Variants in NLGN1 observed in about 807,000 individuals in gnomAD.
NLGN1 encodes neuroligin-1.
A neutral mutation model predicts 65.5 loss-of-function variants in NLGN1; 12 were observed. The observed-to-expected ratio is 0.18, with a 90% confidence interval of 0.12 to 0.30. The LOEUF (loss-of-function observed/expected upper bound fraction) is 0.30, where lower values mean the gene tolerates loss of function less well. Among genes scored for constraint, NLGN1 ranks in the 10% least tolerant of loss-of-function variants. NLGN1 has a pLI of 1.00. For missense variants in NLGN1, 750 were observed against 1,007.1 expected, an observed-to-expected ratio of 0.74 and a Z score of 3.46; for synonymous variants, 350 against 359.5, an observed-to-expected ratio of 0.97 and a Z score of 0.30.
intron 4 of NLGN1, among the ~76,000 whole-genome samples, chr3:173,957,029 C>T (rs1222606535): frequency 6.6e-6 from 1 of 151,706 alleles, no homozygotes; most frequent in Non-Finnish European, 1.5e-5. Context: ...GTATGAAAAG[C>T]TATCAATAAC....
At position 173,604,837 on chromosome 3, in the gene NLGN1, T is replaced by A. The variant is rs766090131; in HGVS notation, c.239T>A (p.Phe80Tyr). Residue 80 changes from phenylalanine (F) to tyrosine (Y), a missense_variant, in exon 3 of 7, where the codon TTT (phenylalanine) becomes TAT (tyrosine). Physicochemically the swap from Phe to Tyr is conservative, Grantham distance 22 (BLOSUM62 3). Transcript: ENST00000457714. Reference sequence around the variant, plus strand: ...GAAATTTTGGGGCCTGTTATTCAATTTCTTGGGGTTCCATATGCAGCCCCA... The same window carrying A: ...GAAATTTTGGGGCCTGTTATTCAATATCTTGGGGTTCCATATGCAGCCCCA... The A allele has an allele frequency of 7.4e-6, 12 of 1,613,648 alleles. No homozygotes were observed. Among genetic ancestry groups the A allele is most frequent in the South Asian group, 5.5e-5 (5 of 91,086 alleles).
At chr3:174,119,070 GTTAAA>G (rs1207614236) in intron 4 of NLGN1, among the ~76,000 whole-genome samples, 2 of 152,192 alleles carry the variant, frequency 1.3e-5, no homozygotes, top group Non-Finnish European at 2.9e-5. Flanking sequence ...AACATGTATG[GTTAAA>G]TTAAAATAAA....
chr3:173,793,291 G>A (rs990588675), intron 3 of NLGN1, among the ~76,000 whole-genome samples: 4 of 152,042 alleles, frequency 2.6e-5, no homozygotes, highest in Non-Finnish European at 5.9e-5. Context: ...TTTAATGACA[G>A]GAATGAGATT....
intron 2 of NLGN1, among the ~76,000 whole-genome samples, chr3:173,506,291 T>C (rs1732024607): frequency 6.6e-6 from 1 of 152,128 alleles, no homozygotes; most frequent in Admixed American, 6.6e-5. Context: ...AGAGTCTATA[T>C]ATTTCAGATT....
At chr3:173,622,150 A>G (rs1577584756) in intron 3 of NLGN1, among the ~76,000 whole-genome samples, 1 of 152,236 alleles carries the variant, frequency 6.6e-6, no homozygotes, top group Non-Finnish European at 1.5e-5. Flanking sequence ...TTTCTTTTTA[A>G]AGGCTACCCA....
intron 2 of NLGN1, among the ~76,000 whole-genome samples, chr3:173,524,807 A>G (rs1451069224): frequency 6.6e-6 from 1 of 152,170 alleles, no homozygotes; most frequent in African/African-American, 2.4e-5. Context: ...CTTTTTCTGC[A>G]TCTATTGAGA....
In NLGN1 at chr3:173,668,276, T is replaced by A. The variant is rs534588530; in HGVS notation, c.493+63185T>A. On this transcript the variant is annotated intron_variant, in intron 3 of 6. Coordinates refer to ENST00000457714, the Ensembl canonical transcript of NLGN1. ...TATGTGAAAGTAGTTATCAGTTTAG[T>A]TGGGTTTTTAAGGCAGAAGAAGAAA... Among the ~76,000 whole-genome samples the A allele has an allele frequency of 1.8e-4, 27 of 152,266 alleles. 1 individual carries two copies. In the South Asian group the frequency reaches 5.6e-3, roughly 32 times the overall value.
chr3:173,498,289 G>T lies in NLGN1; in HGVS notation c.-321+63211G>T, dbSNP rs569259698. On this transcript the variant is annotated intron_variant, in intron 2 of 6. Coordinates refer to ENST00000457714, the Ensembl canonical transcript of NLGN1. ...CTCATTGTTCAATTCCCACCTATGA[G>T]TGACAACATGCGGTGTTGGGTTTTT... Among the ~76,000 whole-genome samples the T allele has an allele frequency of 2.0e-5, 3 of 151,460 alleles. No homozygotes were observed. The East Asian group carries it at 5.8e-4, about 29-fold the overall frequency.
At chr3:173,617,394 A>G (rs6785544) in intron 3 of NLGN1, among the ~76,000 whole-genome samples, 28,021 of 152,170 alleles carry the variant, frequency 0.18, 2,910 homozygotes, top group African/African-American at 0.26. Context: ...TTCATTGAAA[A>G]CATAATCAAC....
intron 4 of NLGN1, among the ~76,000 whole-genome samples, chr3:174,005,758 A>G (rs1402614445): frequency 6.6e-6 from 1 of 151,928 alleles, no homozygotes; most frequent in Admixed American, 6.6e-5. Context: ...AGCACTTAAT[A>G]TATGTATTCC....
chr3:173,457,786 A>C (rs1374087273), intron 2 of NLGN1, among the ~76,000 whole-genome samples: 3 of 152,134 alleles, frequency 2.0e-5, no homozygotes, highest in Non-Finnish European at 4.4e-5. Context: ...GATGATGAAA[A>C]AGAAAAGAAC....
intron 4 of NLGN1, among the ~76,000 whole-genome samples, chr3:173,828,920 T>C (rs1237543850): frequency 7.0e-6 from 1 of 143,156 alleles, no homozygotes; most frequent in Non-Finnish European, 1.5e-5. Flanking sequence ...GGGAGGAATT[T>C]GTTGCTTTTT....
chr3:173,885,326 A>C (rs1734132721), intron 4 of NLGN1, among the ~76,000 whole-genome samples: 2 of 152,242 alleles, frequency 1.3e-5, no homozygotes, highest in South Asian at 4.1e-4. Context: ...ATATCTGCCT[A>C]GTTCATTTGA....
intron 4 of NLGN1, among the ~76,000 whole-genome samples, chr3:173,966,133 G>T (rs972612957): frequency 6.6e-6 from 1 of 152,060 alleles, no homozygotes; most frequent in Admixed American, 6.6e-5. Context: ...TAATAATTTG[G>T]TTTATTGTCC....
chr3:174,148,374 T>C (rs1179482618), intron 4 of NLGN1, among the ~76,000 whole-genome samples: 5 of 152,194 alleles, frequency 3.3e-5, no homozygotes, highest in Non-Finnish European at 5.9e-5. Context: ...ATTACAACTC[T>C]ATGGTAAGTA....
intron 4 of NLGN1, among the ~76,000 whole-genome samples, chr3:174,110,242 C>A (rs1194252499): frequency 1.3e-5 from 2 of 151,938 alleles, no homozygotes; most frequent in Admixed American, 6.6e-5. Flanking sequence ...GCTACATTTC[C>A]CTGTAGATTT....
rs74734186 is a variant in NLGN1 at position 173,819,575 on chromosome 3, G to A, written c.646+11743G>A. ...CCACAAATACCCATCTTTCTCAATC[G>A]TTGTAGCTCTATTATCTTTCTCCCT... On this transcript the variant is annotated intron_variant, in intron 4 of 6. Coordinates refer to ENST00000457714, the Ensembl canonical transcript of NLGN1. Among the ~76,000 whole-genome samples, 240 of 152,218 alleles carry A rather than the reference G, an allele frequency of 1.6e-3. 4 individuals are homozygous for A. The East Asian group carries it at 0.025, about 16-fold the overall frequency.
At chr3:173,891,461 A>T (rs1560572024) in intron 4 of NLGN1, among the ~76,000 whole-genome samples, 1 of 152,250 alleles carries the variant, frequency 6.6e-6, no homozygotes, top group East Asian at 1.9e-4. Context: ...GCCATCCTAA[A>T]ATAGTTCCTC....
chr3:174,210,512 A>T (rs1307690387), intron 4 of NLGN1, among the ~76,000 whole-genome samples: 3 of 152,230 alleles, frequency 2.0e-5, no homozygotes, highest in African/African-American at 7.2e-5. Context: ...CCTATTGTCC[A>T]CGATGACTAG....
Sources: gnomAD v4.1 joint callset for allele counts (sites outside exome capture counted in the v4.1 genomes callset) on GRCh38, gnomAD v4.1.1 for gene constraint, MANE v1.5 for transcripts, NCBI Gene and HGNC (gene_info 2026-07-23, HGNC 2026-07-21) for gene names.